LGALSL: variants seen among roughly 807,000 people sequenced by gnomAD.
LGALSL encodes the protein galectin like.
In LGALSL, 13 loss-of-function variants were observed where a neutral mutation model predicts 19.5. That is an observed-to-expected ratio of 0.67 (90% CI 0.43 to 1.06). The LOEUF (loss-of-function observed/expected upper bound fraction) is 1.06, where lower values mean the gene tolerates loss of function less well. Among genes scored for constraint, LGALSL ranks in the 50% least tolerant of loss-of-function variants. LGALSL has a pLI of 0.00. For missense variants in LGALSL, 189 were observed against 219.3 expected (o/e 0.86, Z 0.87); for synonymous variants, 86 against 78.3 (o/e 1.10, Z -0.52).
At position 64,461,094 on chromosome 2, in the gene LGALSL, A is replaced by C. The variant is rs1226189158; in HGVS notation, c.*2666A>C. 3.3e-5 allele frequency: 5 copies of C among 152,332 alleles called. No individual in the cohort carries two copies. In the East Asian group the frequency reaches 9.6e-4, roughly 29 times the overall value. 9.4% of individuals were successfully genotyped at this position (152,332 alleles called of 1,614,324 possible). A position where few individuals can be genotyped will look rare whatever the true frequency, so the allele number is the denominator to read the frequency against. Reference sequence around the variant, plus strand: ...TCAAATCTTGCCGACCTTAGTTCAAAGCCCCCTGAGAGATCACTTTTAGAA... The same window carrying C: ...TCAAATCTTGCCGACCTTAGTTCAACGCCCCCTGAGAGATCACTTTTAGAA... On this transcript the variant is annotated 3_prime_UTR_variant, in exon 5 of 5. Coordinates refer to ENST00000238875, the MANE Select transcript of LGALSL (RefSeq NM_014181.3).
chr2:64,458,704 C>CT lies in LGALSL; in HGVS notation c.*280dup, dbSNP rs1686774003. 6.6e-6 allele frequency: 2 copies of CT among 303,878 alleles called. No homozygotes were observed. The highest frequency in any genetic ancestry group is 9.7e-5 in the Admixed American group (2 of 20,536). The allele number at this position is 303,878 out of a possible 1,614,324, so 18.8% of individuals were successfully genotyped here. On this transcript the variant is annotated 3_prime_UTR_variant, in exon 5 of 5. Transcript: ENST00000238875. ...TGTGATTTGGTAGCAAATTATTCATCTTTTCAAAGCAAGGCAATGCTTAGA... is the reference window on the plus strand; with the variant it reads ...TGTGATTTGGTAGCAAATTATTCATCTTTTTCAAAGCAAGGCAATGCTTAGA...
At chr2:64,458,194 G>A (rs1686765113) in intron 4 of LGALSL, 91 bp from the exon 5 acceptor site, 1 of 1,209,240 alleles carries the variant, frequency 8.3e-7, no homozygotes, top group Non-Finnish European at 1.2e-6. Flanking sequence ...AACCACTGAA[G>A]ATACTGCCTT....
intron 4 of LGALSL, among the ~76,000 whole-genome samples, chr2:64,456,961 G>C (rs2103708419): frequency 6.6e-6 from 1 of 152,240 alleles, no homozygotes; most frequent in East Asian, 1.9e-4. Flanking sequence ...GGATTAATTA[G>C]CCTCAGTCTA....
In LGALSL at chr2:64,460,055, G is replaced by A. The variant is rs1480684725; in HGVS notation, c.*1627G>A. The A allele has an allele frequency of 1.3e-5, 2 of 149,812 alleles. No homozygotes were observed. Among genetic ancestry groups the A allele is most frequent in the Non-Finnish European group, 3.0e-5 (2 of 67,664 alleles). The allele number at this position is 149,812 out of a possible 1,614,324, so 9.3% of individuals were successfully genotyped here. On this transcript the variant is annotated 3_prime_UTR_variant, in exon 5 of 5. Coordinates refer to ENST00000238875, the MANE Select transcript of LGALSL (RefSeq NM_014181.3). ...ACACAACATGCAGAGGCACTGAAGT[G>A]ACCATGTCATTTTCAAGTGTCAAGA...
chr2:64,454,528 G>C lies in LGALSL; in HGVS notation c.-18G>C, dbSNP rs764705269. ...CCGCGCGCCGCGTCCCACGTACCCC[G>C]CCGCGCCGGGCAAGAAGATGGCGGG... On this transcript the variant is annotated 5_prime_UTR_variant, in exon 1 of 5. Transcript: ENST00000238875. This position sits in a 1 kb window ranked among gnomAD's most constrained non-coding sequence, Gnocchi z 5.1. 76 of 1,410,488 alleles carry C rather than the reference G, an allele frequency of 5.4e-5. No homozygotes were observed. In the African/African-American group the frequency reaches 1.1e-3, roughly 20 times the overall value. 87.4% of individuals were successfully genotyped at this position (1,410,488 alleles called of 1,614,324 possible).
chr2:64,454,524 C>A lies in LGALSL; in HGVS notation c.-22C>A. The A allele has an allele frequency of 7.1e-7, 1 of 1,404,402 alleles. No homozygotes were observed. Among genetic ancestry groups the A allele is most frequent in the South Asian group, 1.5e-5 (1 of 68,136 alleles). 87.0% of individuals were successfully genotyped at this position (1,404,402 alleles called of 1,614,324 possible). A position where few individuals can be genotyped will look rare whatever the true frequency, so the allele number is the denominator to read the frequency against. ...CCGCCCGCGCGCCGCGTCCCACGTA[C>A]CCCGCCGCGCCGGGCAAGAAGATGG... On this transcript the variant is annotated 5_prime_UTR_variant, in exon 1 of 5. Transcript: ENST00000238875. This position sits in a 1 kb window ranked among gnomAD's most constrained non-coding sequence, Gnocchi z 5.1.
rs1247320369 is a variant in LGALSL, at chr2:64,459,802, A to T, written c.*1374A>T. 6.6e-6 allele frequency: 1 copy of T among 152,194 alleles called. No individual in the cohort carries two copies. The highest frequency in any genetic ancestry group is 1.5e-5 in the Non-Finnish European group (1 of 68,040). 9.4% of individuals were successfully genotyped at this position (152,194 alleles called of 1,614,324 possible). ...AGGAGGTTGCAGTACTGTAAACGTC[A>T]CCGCAAGGCAAGGGATGCTTAAAGT... On this transcript the variant is annotated 3_prime_UTR_variant, in exon 5 of 5. Coordinates refer to ENST00000238875, the MANE Select transcript of LGALSL (RefSeq NM_014181.3).
In LGALSL at chr2:64,458,506, G is replaced by T. The variant is rs895875419; in HGVS notation, c.*78G>T. 3 of 1,375,934 alleles carry T rather than the reference G, an allele frequency of 2.2e-6. No individual in the cohort carries two copies. In the African/African-American group the frequency reaches 4.4e-5, roughly 20 times the overall value. 85.2% of individuals were successfully genotyped at this position (1,375,934 alleles called of 1,614,324 possible). ...TGGTCTGGAAGAAGTGTCCTAGCAA[G>T]ATCTGGAGACTTAAAAAGAAAACAA... On this transcript the variant is annotated 3_prime_UTR_variant, in exon 5 of 5. Coordinates refer to ENST00000238875, the MANE Select transcript of LGALSL (RefSeq NM_014181.3).
Position 64,454,505 on chromosome 2 carries a change from G to C in LGALSL, c.-41G>C. 1 of 1,318,410 alleles carries C rather than the reference G, an allele frequency of 7.6e-7. No homozygotes were observed. The highest frequency in any genetic ancestry group is 9.8e-7 in the Non-Finnish European group (1 of 1,023,522). 81.7% of individuals were successfully genotyped at this position (1,318,410 alleles called of 1,614,324 possible). On this transcript the variant is annotated 5_prime_UTR_variant, in exon 1 of 5. Transcript: ENST00000238875. This position sits in a 1 kb window ranked among gnomAD's most constrained non-coding sequence, Gnocchi z 5.1. ...CAGGACAGCCCCGGGATCCCCGCCC[G>C]CGCGCCGCGTCCCACGTACCCCGCC...
At chr2:64,458,059 A>C (rs1686763198) in intron 4 of LGALSL, among the ~76,000 whole-genome samples, 1 of 152,226 alleles carries the variant, frequency 6.6e-6, no homozygotes, top group Non-Finnish European at 1.5e-5. Flanking sequence ...CTTTATGGTA[A>C]ATTACTTGAG....
In LGALSL at chr2:64,454,617, C is replaced by A; in HGVS notation, c.36+36C>A. On this transcript the variant is annotated intron_variant, in intron 1 of 4. Coordinates refer to ENST00000238875, the MANE Select transcript of LGALSL (RefSeq NM_014181.3). This position sits in a 1 kb window ranked among gnomAD's most constrained non-coding sequence, Gnocchi z 5.1. ...CAGGGCGCGCGCGAGGCGCCCCTCC[C>A]CGCCGTCCCGCACTCCGCCGCCGCC... The A allele has an allele frequency of 7.4e-7, 1 of 1,357,180 alleles. No individual in the cohort carries two copies. The allele number at this position is 1,357,180 out of a possible 1,614,324, so 84.1% of individuals were successfully genotyped here.
rs1686718609 is a variant in LGALSL, at chr2:64,455,395, G to T, written c.88G>T (p.Asp30Tyr). The T allele has an allele frequency of 6.2e-7, 1 of 1,613,474 alleles. No individual in the cohort carries two copies. Among genetic ancestry groups the T allele is most frequent in the Non-Finnish European group, 8.5e-7 (1 of 1,179,496 alleles). The change falls in exon 2 of 5, where the codon GAC becomes TAC. Residue 30 changes from aspartate (D) to tyrosine (Y), a missense_variant. Asp to Tyr is a radical substitution (Grantham distance 160, BLOSUM62 -3). This residue lies in a region of LGALSL where 62 missense variants were observed against 49.0 expected (regional missense o/e 1.27). Coordinates refer to ENST00000238875, the MANE Select transcript of LGALSL (RefSeq NM_014181.3). ...CTCTTTGAGCTCTCCAGTTCAAGCGGACGTGTACTTCCCACGACTGGTAAA... is the reference window on the plus strand; with the variant it reads ...CTCTTTGAGCTCTCCAGTTCAAGCGTACGTGTACTTCCCACGACTGGTAAA... ...NNSLSSPVQA[D>Y]VYFPRLIVPF...
In LGALSL at chr2:64,454,651, C is replaced by A; in HGVS notation, c.36+70C>A. ...CGCACTCCGCCGCCGCCTGCTCCAG[C>A]AGTGCTGGGGTGCTGAGCAGCCGCA... On this transcript the variant is annotated intron_variant, in intron 1 of 4. Transcript: ENST00000238875. This position sits in a 1 kb window ranked among gnomAD's most constrained non-coding sequence, Gnocchi z 5.1. The A allele has an allele frequency of 8.6e-7, 1 of 1,162,010 alleles. No homozygotes were observed. Among genetic ancestry groups the A allele is most frequent in the Non-Finnish European group, 1.1e-6 (1 of 906,918 alleles). The allele number at this position is 1,162,010 out of a possible 1,614,324, so 72.0% of individuals were successfully genotyped here.
intron 2 of LGALSL, 24 bp downstream of exon 2, chr2:64,455,439 C>G (rs974347335): frequency 6.3e-7 from 1 of 1,577,664 alleles, no homozygotes; most frequent in Non-Finnish European, 8.7e-7. Flanking sequence ...CTCTGTGTCT[C>G]TGCCTGTACC....
rs771891423 is a variant in LGALSL, at chr2:64,456,477, G to A, written c.375+12G>A. 2.6e-6 allele frequency: 4 copies of A among 1,539,854 alleles called. No individual in the cohort carries two copies. Among genetic ancestry groups the A allele is most frequent in the Non-Finnish European group, 3.5e-6 (4 of 1,142,148 alleles). On this transcript the variant is annotated intron_variant, in intron 4 of 4. Coordinates refer to ENST00000238875, the MANE Select transcript of LGALSL (RefSeq NM_014181.3). ...ACCAGCCATTCAGGGTGAGTACCTC[G>A]AGTGCCTCGGCTCCAGCCACTGGCA...
chr2:64,454,608 C>G lies in LGALSL; in HGVS notation c.36+27C>G. 1 of 1,376,420 alleles carries G rather than the reference C, an allele frequency of 7.3e-7. No individual in the cohort carries two copies. The allele number at this position is 1,376,420 out of a possible 1,614,324, so 85.3% of individuals were successfully genotyped here. On this transcript the variant is annotated intron_variant, in intron 1 of 4. Transcript: ENST00000238875. This position sits in a 1 kb window ranked among gnomAD's most constrained non-coding sequence, Gnocchi z 5.1. Reference sequence around the variant, plus strand: ...TGAGTGTGGCAGGGCGCGCGCGAGGCGCCCCTCCCCGCCGTCCCGCACTCC... The same window carrying G: ...TGAGTGTGGCAGGGCGCGCGCGAGGGGCCCCTCCCCGCCGTCCCGCACTCC...
chr2:64,455,487 T>A, intron 2 of LGALSL, 72 bp downstream of exon 2: 1 of 1,509,118 alleles, frequency 6.6e-7, no homozygotes, highest in Non-Finnish European at 9.2e-7. Context: ...TTTTATTCAT[T>A]TGTTTATTGC....
Position 64,459,501 on chromosome 2 carries a change from T to C in LGALSL, c.*1073T>C, listed in dbSNP as rs1435286474. 6 of 152,250 alleles carry C rather than the reference T, an allele frequency of 3.9e-5. 1 individual carries two copies. The allele number at this position is 152,250 out of a possible 1,614,324, so 9.4% of individuals were successfully genotyped here. A position where few individuals can be genotyped will look rare whatever the true frequency, so the allele number is the denominator to read the frequency against. The stretch of plus-strand genomic sequence containing the variant: ...AGTAATTTATATCAACTTAAGCTGT[T>C]AGCTCATTGTATAACTTTTCTTATG... On this transcript the variant is annotated 3_prime_UTR_variant, in exon 5 of 5. Transcript: ENST00000238875.
At position 64,461,142 on chromosome 2, in the gene LGALSL, A is replaced by T. The variant is rs562291292; in HGVS notation, c.*2714A>T. ...GAATTGAGGATTTGTTAAAATGGCA[A>T]GTCATTTCATTTGTGTTAAAAAGAA... On this transcript the variant is annotated 3_prime_UTR_variant, in exon 5 of 5. Coordinates refer to ENST00000238875, the MANE Select transcript of LGALSL (RefSeq NM_014181.3). 1.1e-4 allele frequency: 17 copies of T among 152,338 alleles called. No individual in the cohort carries two copies. The highest frequency in any genetic ancestry group is 3.8e-4 in the African/African-American group (16 of 41,574). The allele number at this position is 152,338 out of a possible 1,614,324, so 9.4% of individuals were successfully genotyped here. A position where few individuals can be genotyped will look rare whatever the true frequency, so the allele number is the denominator to read the frequency against.
Sources: allele counts gnomAD v4.1 joint callset (sites outside exome capture counted in the v4.1 genomes callset), GRCh38; gene constraint gnomAD v4.1.1; regional missense constraint gnomAD v4.1.1; non-coding constraint Gnocchi (gnomAD v3.1); transcripts MANE v1.5; gene names NCBI Gene and HGNC (gene_info 2026-07-23, HGNC 2026-07-21).